Variants in ACAN observed in about 807,000 individuals in gnomAD.
ACAN encodes aggrecan.
A neutral mutation model predicts 169.1 loss-of-function variants in ACAN; 47 were observed. The observed-to-expected ratio is 0.28, with a 90% CI of 0.22 to 0.35. The LOEUF (loss-of-function observed/expected upper bound fraction) is 0.35. Among genes scored for constraint, ACAN ranks in the 10% least tolerant of loss-of-function variants. The probability of loss-of-function intolerance (pLI) is 1.00; values close to 1 mark genes in which losing one functional copy is unlikely to be tolerated. For synonymous variants in ACAN, 1,115 were observed against 1,112.2 expected (o/e 1.00, Z -0.05); for missense variants, 2,716 against 2,759.9 (o/e 0.98, Z 0.36).
chr15:88,807,977 TAAG>T lies in ACAN; in HGVS notation c.-8+4170_-8+4172del, dbSNP rs1241331313. On this transcript the variant is annotated intron_variant, in intron 1 of 18. Coordinates refer to ENST00000560601, the MANE Select transcript of ACAN (RefSeq NM_001369268.1). The surrounding 1 kb of genome is among the most constrained non-coding windows in gnomAD (Gnocchi z 4.0). ...CTTTGAGGTTACATGTTTTTCCTCT[TAAG>T]ATACACACTCAAAAAAGGAGCCACC... Among the ~76,000 whole-genome samples the T allele has an allele frequency of 6.6e-6, 1 of 152,206 alleles. No individual in the cohort carries two copies. The highest frequency in any genetic ancestry group is 2.4e-5 in the African/African-American group (1 of 41,460).
chr15:88,874,167 A>C lies in ACAN; in HGVS notation c.7630+143A>C. ...AGGTCGGGGGGCTGCTCAGTCACAA[A>C]TAGCTGACCACTGCCCTTAGAAGGG... On this transcript the variant is annotated intron_variant, in intron 18 of 18. Coordinates refer to ENST00000560601, the MANE Select transcript of ACAN (RefSeq NM_001369268.1). This position sits in a 1 kb window ranked among gnomAD's most constrained non-coding sequence, Gnocchi z 7.3. 8.4e-7 allele frequency: 1 copy of C among 1,195,812 alleles called. No individual in the cohort carries two copies. Among genetic ancestry groups the C allele is most frequent in the Non-Finnish European group, 1.2e-6 (1 of 838,542 alleles). The allele number at this position is 1,195,812 out of a possible 1,614,324, so 74.1% of individuals were successfully genotyped here.
intron 1 of ACAN, among the ~76,000 whole-genome samples, chr15:88,820,804 AG>A (rs1207324793): frequency 1.3e-5 from 2 of 152,134 alleles, no homozygotes; most frequent in African/African-American, 4.8e-5. Context: ...TCCATTGCCC[AG>A]GCTGGGGTGA....
intron 1 of ACAN, among the ~76,000 whole-genome samples, chr15:88,833,365 C>G (rs1896413304): frequency 6.6e-6 from 1 of 152,166 alleles, no homozygotes; most frequent in African/African-American, 2.4e-5. Context: ...CATCCCCTTC[C>G]TGCTCCCCAA....
At chr15:88,834,250 A>T (rs1896442995) in intron 1 of ACAN, among the ~76,000 whole-genome samples, 1 of 152,214 alleles carries the variant, frequency 6.6e-6, no homozygotes, top group African/African-American at 2.4e-5. Flanking sequence ...CCATACCCCC[A>T]GCAGCACCCA....
chr15:88,854,488 T>G (rs968649722), intron 11 of ACAN, among the ~76,000 whole-genome samples: 24 of 152,190 alleles, frequency 1.6e-4, no homozygotes, highest in African/African-American at 4.8e-4. Context: ...TCTTCAGTGG[T>G]GGGCAGGCCC....
chr15:88,846,021 C>A, intron 7 of ACAN, 139 bp downstream of exon 7: 1 of 979,918 alleles, frequency 1.0e-6, no homozygotes, highest in East Asian at 2.8e-5. Flanking sequence ...AGACCTTATT[C>A]TCCTCATCTG....
chr15:88,824,879 G>T (rs1237037959), intron 1 of ACAN, among the ~76,000 whole-genome samples: 2 of 149,138 alleles, frequency 1.3e-5, no homozygotes, highest in Non-Finnish European at 3.0e-5. Context: ...CTGACAGAGC[G>T]AGACTCTGTC....
At chr15:88,847,133 T>TA in intron 7 of ACAN, 110 bp from the exon 8 acceptor site, 1 of 1,224,534 alleles carries the variant, frequency 8.2e-7, no homozygotes, top group East Asian at 2.7e-5. Flanking sequence ...ATTGCCCAGA[T>TA]AAATCCAATA....
intron 1 of ACAN, among the ~76,000 whole-genome samples, chr15:88,826,286 G>A (rs1241401653): frequency 6.6e-6 from 1 of 151,822 alleles, no homozygotes; most frequent in African/African-American, 2.4e-5. Context: ...TCTTGAAAAA[G>A]CTCATCCTGA....
chr15:88,815,075 C>G (rs1232089902), intron 1 of ACAN, among the ~76,000 whole-genome samples: 2 of 151,772 alleles, frequency 1.3e-5, no homozygotes, highest in Non-Finnish European at 2.9e-5. Flanking sequence ...GGACAGAAAT[C>G]CGGAAAAAAC....
intron 1 of ACAN, among the ~76,000 whole-genome samples, chr15:88,809,274 C>A (rs1163738911): frequency 6.6e-6 from 1 of 152,140 alleles, no homozygotes; most frequent in Non-Finnish European, 1.5e-5. Flanking sequence ...GTGAGCATCT[C>A]CCTCCAGTGT....
At chr15:88,867,405 G>C (rs1336772686) in intron 13 of ACAN, among the ~76,000 whole-genome samples, 1 of 152,202 alleles carries the variant, frequency 6.6e-6, no homozygotes, top group Non-Finnish European at 1.5e-5. Context: ...AACCACCTCT[G>C]TAGCTCCGAA....
At chr15:88,859,557 C>T (rs978042327) in intron 12 of ACAN, 140 bp downstream of exon 12, 8 of 1,154,732 alleles carry the variant, frequency 6.9e-6, no homozygotes, top group Admixed American at 2.1e-5. Context: ...AGGCAATAGT[C>T]TTCCCCTCTC....
At chr15:88,832,583 C>G (rs1295450018) in intron 1 of ACAN, among the ~76,000 whole-genome samples, 1 of 152,198 alleles carries the variant, frequency 6.6e-6, no homozygotes, top group African/African-American at 2.4e-5. Context: ...GCACTCCAGC[C>G]TGGATGACTA....
Position 88,869,874 on chromosome 15 carries a change from T to C in ACAN, c.7061-1508T>C, listed in dbSNP as rs1897341918. 6.6e-6 allele frequency among the ~76,000 whole-genome samples: 1 copy of C among 152,072 alleles called. No homozygotes were observed. Among genetic ancestry groups the C allele is most frequent in the Non-Finnish European group, 1.5e-5 (1 of 68,026 alleles). On this transcript the variant is annotated intron_variant, in intron 14 of 18. Coordinates refer to ENST00000560601, the MANE Select transcript of ACAN (RefSeq NM_001369268.1). This position sits in a 1 kb window ranked among gnomAD's most constrained non-coding sequence, Gnocchi z 4.2. Reference sequence around the variant, plus strand: ...TGGAATTGTTTCTGTTTCCTAAGAATCTTCAGCCTGCACAGCCCTGCCCTC... The same window carrying C: ...TGGAATTGTTTCTGTTTCCTAAGAACCTTCAGCCTGCACAGCCCTGCCCTC...
rs371018764 is a variant in ACAN at position 88,845,640 on chromosome 15, G to C, written c.1187G>C (p.Ser396Thr). Reference protein sequence around the residue: ...RNITEGEARGSVILTVKPIFE... With the variant: ...RNITEGEARGTVILTVKPIFE... ...ATCACTGAGGGTGAAGCCCGAGGCA[G>C]CGTGATCCTTACCGTAAAGCCCATC... Residue 396 changes from serine (S) to threonine (T), a missense_variant, in exon 7 of 19, where the codon AGC (serine) becomes ACC (threonine). Physicochemically the swap from Ser to Thr is moderately conservative, Grantham distance 58. This residue lies in a region of ACAN where 1,283 missense variants were observed against 1,281.5 expected (regional missense o/e 1.00). Coordinates refer to ENST00000560601, the MANE Select transcript of ACAN (RefSeq NM_001369268.1). The C allele has an allele frequency of 3.1e-6, 5 of 1,613,952 alleles. No individual in the cohort carries two copies. Among genetic ancestry groups the C allele is most frequent in the Admixed American group, 3.3e-5 (2 of 60,014 alleles).
chr15:88,858,905 C>T lies in ACAN; in HGVS notation c.6320C>T (p.Pro2107Leu), dbSNP rs371419855. The change falls in exon 12 of 19, where the codon CCT (proline) becomes CTT (leucine). Residue 2107 changes from proline to leucine, a missense_variant. Physicochemically the swap from Pro to Leu is moderately conservative, Grantham distance 98. Around this residue, in one of 3 missense-constraint regions of ACAN, gnomAD observed 1,389 missense variants for 1,363.7 expected, o/e 1.02. Transcript: ENST00000560601. This position sits in a 1 kb window ranked among gnomAD's most constrained non-coding sequence, Gnocchi z 4.0. The part of the protein sequence containing the change: ...PESSSETSAY[P>L]EAGFGASAAP... ...TCTAGCAGTGAGACGTCCGCCTATC[C>T]TGAAGCTGGGTTCGGGGCATCTGCC... 20 of 1,609,022 alleles carry T rather than the reference C, an allele frequency of 1.2e-5. No individual in the cohort carries two copies. In the African/African-American group the frequency reaches 2.5e-4, roughly 20 times the overall value.
chr15:88,860,472 C>T (rs377281951), intron 13 of ACAN, 33 bp downstream of exon 13: 113 of 1,581,772 alleles, frequency 7.1e-5, no homozygotes, highest in African/African-American at 1.8e-4. Context: ...AGAGTGAGGG[C>T]GGAGGCGCTG....
intron 2 of ACAN, among the ~76,000 whole-genome samples, chr15:88,837,066 A>G (rs1896522781): frequency 6.6e-6 from 1 of 152,200 alleles, no homozygotes. Flanking sequence ...TTCCCCTCCA[A>G]GTGGGCCCAG....
Sources: allele counts gnomAD v4.1 joint callset (sites outside exome capture counted in the v4.1 genomes callset), GRCh38; gene constraint gnomAD v4.1.1; regional missense constraint gnomAD v4.1.1; non-coding constraint Gnocchi (gnomAD v3.1); transcripts MANE v1.5; gene names NCBI Gene and HGNC (gene_info 2026-07-23, HGNC 2026-07-21).